ARHGAP24: variants seen among roughly 807,000 people sequenced by gnomAD.
ARHGAP24 encodes rho GTPase-activating protein 24.
ARHGAP24 carries 50 observed loss-of-function variants against 76.4 expected under a neutral mutation model. The ratio of observed to expected loss-of-function variants is 0.65; its 90% CI spans 0.52 to 0.83. The LOEUF (loss-of-function observed/expected upper bound fraction) is 0.83. Ranked by LOEUF, ARHGAP24 falls within the 40% of genes least tolerant of loss-of-function variation. The pLI, the probability that ARHGAP24 is intolerant of heterozygous loss-of-function variation, is 0.00. For missense variants in ARHGAP24, 930 were observed against 914.2 expected, an observed-to-expected ratio of 1.02 and a Z score of -0.22; for synonymous variants, 345 against 323.3, an observed-to-expected ratio of 1.07 and a Z score of -0.72.
chr4:85,831,362 G>T (rs1262306075), intron 3 of ARHGAP24, among the ~76,000 whole-genome samples: 2 of 152,064 alleles, frequency 1.3e-5, no homozygotes, highest in Non-Finnish European at 2.9e-5. Flanking sequence ...CCTATTTATA[G>T]GCATATTTGA....
chr4:85,822,124 T>C (rs1427776859), intron 3 of ARHGAP24, among the ~76,000 whole-genome samples: 1 of 152,176 alleles, frequency 6.6e-6, no homozygotes, highest in Non-Finnish European at 1.5e-5. Context: ...ATTTTCTCCA[T>C]ATATGCATGT....
chr4:85,953,041 C>T (rs1737709319), intron 5 of ARHGAP24, among the ~76,000 whole-genome samples: 1 of 152,086 alleles, frequency 6.6e-6, no homozygotes. Flanking sequence ...CAAGAAGATA[C>T]ATTTTGGAAG....
chr4:85,803,530 T>C (rs1330830835), intron 3 of ARHGAP24, among the ~76,000 whole-genome samples: 1 of 152,230 alleles, frequency 6.6e-6, no homozygotes, highest in Non-Finnish European at 1.5e-5. Flanking sequence ...TATTCCTTTC[T>C]TTAACTCTTT....
chr4:85,743,672 A>AT (rs1368704976), intron 3 of ARHGAP24, among the ~76,000 whole-genome samples: 1 of 151,700 alleles, frequency 6.6e-6, no homozygotes, highest in Non-Finnish European at 1.5e-5. Context: ...TCAAATCTTT[A>AT]TTTTCTTTCT....
intron 1 of ARHGAP24, among the ~76,000 whole-genome samples, chr4:85,526,579 G>A (rs1725007859): frequency 6.6e-6 from 1 of 151,938 alleles, no homozygotes; most frequent in Non-Finnish European, 1.5e-5. Flanking sequence ...CCTCTATTAA[G>A]GGAGAAGGAC....
At chr4:85,722,421 A>C (rs74341569) in intron 3 of ARHGAP24, 1 of 207,028 alleles carries the variant, frequency 4.8e-6, no homozygotes, top group African/African-American at 2.4e-5. Flanking sequence ...ACAAAAAAAA[A>C]CAACTCTTAC....
intron 1 of ARHGAP24, among the ~76,000 whole-genome samples, chr4:85,544,597 C>T (rs17010406): frequency 0.12 from 18,753 of 152,020 alleles, 3,264 homozygotes; most frequent in African/African-American, 0.39. Flanking sequence ...CTATATATAG[C>T]AGGGCCATCA....
intron 2 of ARHGAP24, among the ~76,000 whole-genome samples, chr4:85,628,768 T>G (rs1215375010): frequency 6.6e-6 from 1 of 152,232 alleles, no homozygotes; most frequent in Non-Finnish European, 1.5e-5. Context: ...TGACAGTTTT[T>G]GACTTGCATT....
At chr4:85,809,589 C>T (rs1482181145) in intron 3 of ARHGAP24, among the ~76,000 whole-genome samples, 1 of 152,182 alleles carries the variant, frequency 6.6e-6, no homozygotes, top group Non-Finnish European at 1.5e-5. Context: ...GAACCTACTT[C>T]AGGACCTTCA....
At chr4:85,999,111 T>G (rs1015270335) in intron 9 of ARHGAP24, among the ~76,000 whole-genome samples, 25 of 152,188 alleles carry the variant, frequency 1.6e-4, no homozygotes, top group Non-Finnish European at 5.9e-5. Flanking sequence ...TCCTGGAAGT[T>G]TCCCACAAGC....
chr4:85,972,536 C>T (rs1739048579), intron 6 of ARHGAP24, among the ~76,000 whole-genome samples: 1 of 152,158 alleles, frequency 6.6e-6, no homozygotes, highest in African/African-American at 2.4e-5. Context: ...ATACAAAATC[C>T]TACCTACTGC....
intron 3 of ARHGAP24, among the ~76,000 whole-genome samples, chr4:85,868,891 C>G (rs1246352949): frequency 6.6e-6 from 1 of 151,978 alleles, no homozygotes; most frequent in Non-Finnish European, 1.5e-5. Flanking sequence ...TCATATGTTG[C>G]CAGGTTACCT....
At position 85,721,899 on chromosome 4, in the gene ARHGAP24, G is replaced by T; in HGVS notation, c.195G>T (p.Leu65=). 6.2e-7 allele frequency: 1 copy of T among 1,613,358 alleles called. No homozygotes were observed. The highest frequency in any genetic ancestry group is 2.2e-5 in the East Asian group (1 of 44,800). The change falls in exon 3 of 10, where the codon CTG becomes CTT. Residue 65 remains leucine (L), a synonymous_variant. Coordinates refer to ENST00000395184, the MANE Select transcript of ARHGAP24 (RefSeq NM_001025616.3). ...TGTTTTCACAGGGTACTATTTTTCT[G>T]CCTGGAAATAAAGTTTCTGAGCATC... ...DETKPLGTIF[L]PGNKVSEHPC... is the part of the protein sequence containing the mutation.
intron 3 of ARHGAP24, among the ~76,000 whole-genome samples, chr4:85,822,419 T>C (rs920776552): frequency 6.6e-6 from 1 of 152,298 alleles, no homozygotes. Flanking sequence ...ACAGGCTGTT[T>C]GTTGATTTCT....
At chr4:85,906,795 T>A (rs1428000700) in intron 3 of ARHGAP24, among the ~76,000 whole-genome samples, 1 of 152,086 alleles carries the variant, frequency 6.6e-6, no homozygotes, top group African/African-American at 2.4e-5. Flanking sequence ...TAAACAAAAT[T>A]ACATGAAGAG....
intron 3 of ARHGAP24, among the ~76,000 whole-genome samples, chr4:85,856,290 A>G (rs1467378152): frequency 2.0e-5 from 3 of 151,988 alleles, no homozygotes; most frequent in African/African-American, 7.3e-5. Flanking sequence ...GTACAGAATA[A>G]TCTCATTTTG....
At chr4:85,715,804 C>A (rs779522143) in intron 2 of ARHGAP24, among the ~76,000 whole-genome samples, 1 of 151,992 alleles carries the variant, frequency 6.6e-6, no homozygotes, top group Non-Finnish European at 1.5e-5. Context: ...AATGCAAAGA[C>A]TTTATTAGCC....
intron 3 of ARHGAP24, among the ~76,000 whole-genome samples, chr4:85,834,569 T>C (rs1284438045): frequency 1.3e-5 from 2 of 152,130 alleles, no homozygotes; most frequent in African/African-American, 4.8e-5. Context: ...GAGGATAGAG[T>C]GAGAAACCAG....
intron 3 of ARHGAP24, among the ~76,000 whole-genome samples, chr4:85,870,567 G>A (rs553278553): frequency 1.3e-5 from 2 of 152,234 alleles, no homozygotes; most frequent in South Asian, 4.1e-4. Context: ...AATTCCATTA[G>A]TTAGTGGAGG....
Sources: gnomAD v4.1 joint callset for allele counts (sites outside exome capture counted in the v4.1 genomes callset) on GRCh38, gnomAD v4.1.1 for gene constraint, MANE v1.5 for transcripts, NCBI Gene and HGNC (gene_info 2026-07-23, HGNC 2026-07-21) for gene names.